The following CHLSN variants were observed in gnomAD, a reference collection of about 807,000 sequenced individuals.
The protein encoded by CHLSN is protein cholesin.
chr7:1,069,344 T>C, the CHLSN span, among the ~76,000 whole-genome samples: 1 of 149,242 alleles, frequency 6.7e-6, no homozygotes, highest in African/African-American at 2.5e-5. Context: ...AAACAATAAA[T>C]AGCTCTCCCT....
At chr7:1,022,265 G>C in the CHLSN span, among the ~76,000 whole-genome samples, 2 of 152,154 alleles carry the variant, frequency 1.3e-5, no homozygotes, top group Non-Finnish European at 2.9e-5. Flanking sequence ...GCGCCTCCTG[G>C]ACCACGAGCT....
chr7:1,006,732 CA>C, the CHLSN span, among the ~76,000 whole-genome samples: 1 of 122,198 alleles, frequency 8.2e-6, no homozygotes. Context: ...ACAGCGCAGA[CA>C]AAGAGCGCAC....
the CHLSN span, among the ~76,000 whole-genome samples, chr7:1,016,668 G>GCAGCGCACGCCAGTGCACAGCAGCACA: frequency 1.0e-5 from 1 of 95,990 alleles, no homozygotes; most frequent in Non-Finnish European, 2.0e-5. Context: ...GCAGCGCACA[G>GCAGCGCACGCCAGTGCACAGCAGCACA]CAGCACACGC....
chr7:1,004,241 T>C, the CHLSN span, among the ~76,000 whole-genome samples: 1 of 152,146 alleles, frequency 6.6e-6, no homozygotes, highest in African/African-American at 2.4e-5. Flanking sequence ...AGCCAGGCCA[T>C]GGCATCTGCC....
chr7:1,042,267 A>C, the CHLSN span, among the ~76,000 whole-genome samples: 1 of 152,198 alleles, frequency 6.6e-6, no homozygotes, highest in Non-Finnish European at 1.5e-5. Context: ...ACCCCAGGCC[A>C]GGAGCACACA....
At chr7:1,063,577 G>A in the CHLSN span, among the ~76,000 whole-genome samples, 4 of 152,226 alleles carry the variant, frequency 2.6e-5, no homozygotes, top group Non-Finnish European at 2.9e-5. Flanking sequence ...CGCCCACCAT[G>A]GGCCCCTGCG....
At chr7:993,980 A>C in the CHLSN span, among the ~76,000 whole-genome samples, 1 of 152,070 alleles carries the variant, frequency 6.6e-6, no homozygotes, top group Non-Finnish European at 1.5e-5. Flanking sequence ...GGTTTCCGGA[A>C]GCCGCACAGT....
At chr7:1,097,392 C>T in the CHLSN span, among the ~76,000 whole-genome samples, 1 of 152,154 alleles carries the variant, frequency 6.6e-6, no homozygotes, top group Non-Finnish European at 1.5e-5. The surrounding 1 kb of genome is among the most constrained non-coding windows in gnomAD (Gnocchi z 4.3). Context: ...GCTGGGACAA[C>T]GTGAGCAGTA....
chr7:1,093,575 G>A, the CHLSN span: 3 of 471,164 alleles, frequency 6.4e-6, 1 homozygote, highest in Admixed American at 4.7e-5. Flanking sequence ...ACTGCTTGTT[G>A]ACATCAACAT....
At chr7:986,689 CGAG>C in the CHLSN span, 10 of 1,612,624 alleles carry the variant, frequency 6.2e-6, no homozygotes, top group Non-Finnish European at 8.5e-6. Flanking sequence ...TGCGCAAGAT[CGAG>C]GAGGTCCGTG....
At chr7:1,063,428 G>A in the CHLSN span, among the ~76,000 whole-genome samples, 129 of 152,308 alleles carry the variant, frequency 8.5e-4, no homozygotes, top group African/African-American at 3.0e-3. Flanking sequence ...TGGGGTGTGC[G>A]TCATTTTCCC....
At chr7:981,797 G>A in the CHLSN span, among the ~76,000 whole-genome samples, 5 of 152,268 alleles carry the variant, frequency 3.3e-5, no homozygotes, top group South Asian at 1.0e-3. Context: ...GGAGGTCGAG[G>A]CAGGAGGATT....
chr7:1,100,199 C>A, the CHLSN span, among the ~76,000 whole-genome samples: 3 of 152,210 alleles, frequency 2.0e-5, no homozygotes, highest in African/African-American at 7.2e-5. Flanking sequence ...ACCACTGCAC[C>A]CTGCCCCGTA....
chr7:997,927 C>G, the CHLSN span: 4 of 891,162 alleles, frequency 4.5e-6, no homozygotes, highest in Non-Finnish European at 6.9e-6. Context: ...CACTGCGGCC[C>G]GAGGGTGTGG....
chr7:1,136,286 A>G, the CHLSN span, among the ~76,000 whole-genome samples: 1 of 118,782 alleles, frequency 8.4e-6, no homozygotes, highest in African/African-American at 3.4e-5. Flanking sequence ...AAATATATAT[A>G]AATATATATA....
chr7:1,092,599 G>T, the CHLSN span: 1 of 1,611,570 alleles, frequency 6.2e-7, no homozygotes, highest in South Asian at 1.1e-5. Context: ...GCAGCCTGGG[G>T]CCGCTCCCTG....
the CHLSN span, chr7:1,055,491 C>A: frequency 6.6e-6 from 3 of 454,646 alleles, no homozygotes; most frequent in Admixed American, 2.4e-5. Flanking sequence ...AAGGTGAGAG[C>A]CTGTGGTGCC....
At chr7:1,084,494 A>G in the CHLSN span, among the ~76,000 whole-genome samples, 1 of 152,146 alleles carries the variant, frequency 6.6e-6, no homozygotes, top group African/African-American at 2.4e-5. Flanking sequence ...TACTGTGAGC[A>G]CCTCCAACCA....
At chr7:1,046,425 C>T in the CHLSN span, among the ~76,000 whole-genome samples, 2 of 152,204 alleles carry the variant, frequency 1.3e-5, no homozygotes, top group South Asian at 2.1e-4. Context: ...AGCTCCTCTG[C>T]TCTCCAGGGC....
Sources: gnomAD v4.1 joint callset for allele counts (sites outside exome capture counted in the v4.1 genomes callset) on GRCh38, gnomAD v4.1.1 for gene constraint, Gnocchi (gnomAD v3.1) non-coding constraint, MANE v1.5 for transcripts, NCBI Gene and HGNC (gene_info 2026-07-23, HGNC 2026-07-21) for gene names.